RNF180: variants seen among roughly 807,000 people sequenced by gnomAD.
RNF180 encodes ring finger protein 180.
RNF180 carries 38 observed loss-of-function variants against 59.2 expected under a neutral mutation model. The observed-to-expected ratio is 0.64, with a 90% confidence interval of 0.50 to 0.84. The LOEUF (loss-of-function observed/expected upper bound fraction) is 0.84, where lower values mean the gene tolerates loss of function less well. Among genes scored for constraint, RNF180 ranks in the 40% least tolerant of loss-of-function variants. The probability of loss-of-function intolerance (pLI) is 0.00; values close to 1 mark genes in which losing one functional copy is unlikely to be tolerated. For missense variants in RNF180, 705 were observed against 700.9 expected, an observed-to-expected ratio of 1.01 and a Z score of -0.07; for synonymous variants, 262 against 240.3, an observed-to-expected ratio of 1.09 and a Z score of -0.84.
intron 5 of RNF180, among the ~76,000 whole-genome samples, chr5:64,309,700 T>G (rs1378071151): frequency 2.0e-5 from 3 of 151,446 alleles, no homozygotes; most frequent in African/African-American, 7.3e-5. Flanking sequence ...TCTATCTGAT[T>G]TATACCTGTT....
chr5:64,235,294 C>T (rs1301057006), intron 5 of RNF180, among the ~76,000 whole-genome samples: 1 of 152,062 alleles, frequency 6.6e-6, no homozygotes, highest in Non-Finnish European at 1.5e-5. Flanking sequence ...AACAAACAAA[C>T]ATAAAACACC....
intron 4 of RNF180, among the ~76,000 whole-genome samples, chr5:64,216,828 GT>G (rs916719256): frequency 1.3e-5 from 2 of 151,980 alleles, no homozygotes; most frequent in African/African-American, 4.8e-5. Flanking sequence ...TAGTCCTTTT[GT>G]TTTTCATTTT....
intron 5 of RNF180, among the ~76,000 whole-genome samples, chr5:64,221,487 T>C (rs1384391912): frequency 1.3e-5 from 2 of 152,146 alleles, no homozygotes; most frequent in African/African-American, 4.8e-5. Flanking sequence ...TACTCTGTTT[T>C]ATGAATGTAA....
chr5:64,189,539 C>G (rs1579960419), intron 1 of RNF180, among the ~76,000 whole-genome samples: 1 of 152,232 alleles, frequency 6.6e-6, no homozygotes, highest in East Asian at 1.9e-4. Flanking sequence ...GAAGGTAGAA[C>G]TTGTGAGTGA....
At chr5:64,330,540 G>C in intron 7 of RNF180, 134 bp downstream of exon 7, 2 of 861,112 alleles carry the variant, frequency 2.3e-6, no homozygotes, top group Non-Finnish European at 1.8e-6. Flanking sequence ...TAAGGATTTT[G>C]CTAAGTATCT....
intron 5 of RNF180, among the ~76,000 whole-genome samples, chr5:64,278,904 G>A (rs2112380868): frequency 6.6e-6 from 1 of 152,256 alleles, no homozygotes; most frequent in South Asian, 2.1e-4. Context: ...GCAGGTGTGA[G>A]CTGCTGTGCC....
chr5:64,256,182 T>C lies in RNF180; in HGVS notation c.1227+38786T>C, dbSNP rs903493613. ...TCACTCTGATGGTAGTTTCTTTTGC[T>C]GTGCAGAAGCTCCTTAGTTTAATTA... is the stretch of plus-strand genomic sequence containing the variant. On this transcript the variant is annotated intron_variant, in intron 5 of 7. Transcript: ENST00000389100. Among the ~76,000 whole-genome samples the C allele has an allele frequency of 4.0e-4, 61 of 152,332 alleles. 1 individual carries two copies. The highest frequency in any genetic ancestry group is 8.2e-4 in the Non-Finnish European group (56 of 68,028).
At chr5:64,331,219 T>C (rs1744892551) in intron 7 of RNF180, among the ~76,000 whole-genome samples, 1 of 152,186 alleles carries the variant, frequency 6.6e-6, no homozygotes, top group African/African-American at 2.4e-5. Context: ...CAAGAATAGC[T>C]TGGGCACTGT....
intron 5 of RNF180, among the ~76,000 whole-genome samples, chr5:64,301,567 T>G (rs1443860492): frequency 6.6e-6 from 1 of 151,830 alleles, no homozygotes; most frequent in East Asian, 1.9e-4. Flanking sequence ...TAAACATTCC[T>G]TCTTTTAGTT....
intron 1 of RNF180, among the ~76,000 whole-genome samples, chr5:64,179,447 G>A (rs1750450326): frequency 6.7e-6 from 1 of 150,104 alleles, no homozygotes. Flanking sequence ...ACACATGCAT[G>A]TATCAATAAA....
chr5:64,181,643 T>C (rs1326947248), intron 1 of RNF180, among the ~76,000 whole-genome samples: 1 of 152,162 alleles, frequency 6.6e-6, no homozygotes, highest in Non-Finnish European at 1.5e-5. Flanking sequence ...AGAAAAGTGA[T>C]CATGGGTAGT....
chr5:64,281,920 A>G (rs1742031618), intron 5 of RNF180, among the ~76,000 whole-genome samples: 1 of 152,136 alleles, frequency 6.6e-6, no homozygotes, highest in East Asian at 1.9e-4. Context: ...TGATTTGCAT[A>G]TGTTGGACCT....
chr5:64,311,658 G>A (rs1580227836), intron 5 of RNF180, among the ~76,000 whole-genome samples: 2 of 151,766 alleles, frequency 1.3e-5, no homozygotes, highest in Admixed American at 6.6e-5. Context: ...TCTTTTCCTG[G>A]TTAATTTGTA....
rs1746678328 is a variant in RNF180 at position 64,372,156 on chromosome 5, G to A, written c.*2342G>A. On this transcript the variant is annotated 3_prime_UTR_variant, in exon 8 of 8. Transcript: ENST00000389100. ...TTCTACCAAGCTTAATTATGGTAAA[G>A]GTTAATTTTAAACATGTTCACACAT... The A allele has an allele frequency of 6.6e-6, 1 of 151,518 alleles. No individual in the cohort carries two copies. 9.4% of individuals were successfully genotyped at this position (151,518 alleles called of 1,614,324 possible).
chr5:64,208,063 T>TA (rs1554031152), intron 2 of RNF180, among the ~76,000 whole-genome samples: 2 of 152,188 alleles, frequency 1.3e-5, no homozygotes, highest in East Asian at 1.9e-4. Context: ...CACATAATGA[T>TA]AAAAAATAAG....
chr5:64,244,028 A>G (rs566893908), intron 5 of RNF180, among the ~76,000 whole-genome samples: 8 of 152,216 alleles, frequency 5.3e-5, no homozygotes, highest in Admixed American at 1.3e-4. Flanking sequence ...ACTAACAAGC[A>G]GACAGGAACA....
intron 5 of RNF180, among the ~76,000 whole-genome samples, chr5:64,296,347 T>C (rs956072033): frequency 6.6e-6 from 1 of 152,160 alleles, no homozygotes; most frequent in African/African-American, 2.4e-5. Flanking sequence ...GTGAACATGG[T>C]TAAGTCATGG....
At chr5:64,188,860 C>T (rs909007868) in intron 1 of RNF180, among the ~76,000 whole-genome samples, 10 of 152,076 alleles carry the variant, frequency 6.6e-5, no homozygotes, top group South Asian at 6.2e-4. Flanking sequence ...TGTCCCTCAC[C>T]GCCTGCCCCA....
At chr5:64,228,548 G>A (rs971581656) in intron 5 of RNF180, among the ~76,000 whole-genome samples, 7 of 152,038 alleles carry the variant, frequency 4.6e-5, no homozygotes, top group Non-Finnish European at 8.8e-5. Flanking sequence ...TGAGAGCGTT[G>A]TTATCTATGA....
Sources: gnomAD v4.1 joint callset for allele counts (sites outside exome capture counted in the v4.1 genomes callset) on GRCh38, gnomAD v4.1.1 for gene constraint, MANE v1.5 for transcripts, NCBI Gene and HGNC (gene_info 2026-07-23, HGNC 2026-07-21) for gene names.